The following PTH1R variants were observed in gnomAD, a reference collection of about 807,000 sequenced individuals.
PTH1R encodes parathyroid hormone 1 receptor.
Under a neutral mutation model 70.7 loss-of-function variants are expected in PTH1R, and 32 were observed. The ratio of observed to expected loss-of-function variants is 0.45; its 90% confidence interval spans 0.34 to 0.61. PTH1R has a LOEUF of 0.61. Ranked by LOEUF, PTH1R falls within the 20% of genes least tolerant of loss-of-function variation. The pLI, the probability that PTH1R is intolerant of heterozygous loss-of-function variation, is 0.01. For missense variants in PTH1R, 626 were observed against 792.5 expected, an observed-to-expected ratio of 0.79 and a Z score of 2.52; for synonymous variants, 329 against 324.8, an observed-to-expected ratio of 1.01 and a Z score of -0.14.
At position 46,902,717 on chromosome 3, in the gene PTH1R, G is replaced by C; in HGVS notation, c.1354-32G>C. On this transcript the variant is annotated intron_variant, in intron 14 of 15. Coordinates refer to ENST00000449590, the MANE Select transcript of PTH1R (RefSeq NM_000316.3). The surrounding 1 kb of genome is among the most constrained non-coding windows in gnomAD (Gnocchi z 5.4). ...GCTGAGGGTGGGAGGGGTTCCGGGGGCAGGCCTGATTCGAGACACCCCTCT... is the reference window on the plus strand; with the variant it reads ...GCTGAGGGTGGGAGGGGTTCCGGGGCCAGGCCTGATTCGAGACACCCCTCT... 5.0e-6 allele frequency: 8 copies of C among 1,614,040 alleles called. No individual in the cohort carries two copies. Among genetic ancestry groups the C allele is most frequent in the Non-Finnish European group, 6.8e-6 (8 of 1,180,004 alleles).
chr3:46,903,525 A>ACAC lies in PTH1R; in HGVS notation c.1656_1658dup (p.Pro553dup). On this transcript the variant is annotated inframe_insertion, in exon 16 of 16. Transcript: ENST00000449590. The surrounding 1 kb of genome is among the most constrained non-coding windows in gnomAD (Gnocchi z 4.4). Reference sequence around the variant, plus strand: ...CCCAGCCCTGGAGACCCTCGAGACCACACCACCTGCCATGGCTGCTCCCAA... The same window carrying ACAC: ...CCCAGCCCTGGAGACCCTCGAGACCACACCACCACCTGCCATGGCTGCTCCCAA... 1 of 1,613,908 alleles carries ACAC rather than the reference A, an allele frequency of 6.2e-7. No homozygotes were observed. The highest frequency in any genetic ancestry group is 8.5e-7 in the Non-Finnish European group (1 of 1,180,008).
Position 46,901,554 on chromosome 3 carries a change from C to T in PTH1R, c.1116+74C>T, listed in dbSNP as rs2107057824. ...TGCGTCCCCTGGAACCAGCCCCTGACAGGGACCTAGGAGGCTTCCCTGGAC... is the reference window on the plus strand; with the variant it reads ...TGCGTCCCCTGGAACCAGCCCCTGATAGGGACCTAGGAGGCTTCCCTGGAC... On this transcript the variant is annotated intron_variant, in intron 12 of 15. Coordinates refer to ENST00000449590, the MANE Select transcript of PTH1R (RefSeq NM_000316.3). This position sits in a 1 kb window ranked among gnomAD's most constrained non-coding sequence, Gnocchi z 7.3. 10 of 1,522,458 alleles carry T rather than the reference C, an allele frequency of 6.6e-6. No individual in the cohort carries two copies. The highest frequency in any genetic ancestry group is 8.9e-6 in the Non-Finnish European group (10 of 1,122,152). The allele number at this position is 1,522,458 out of a possible 1,614,324, so 94.3% of individuals were successfully genotyped here.
At chr3:46,900,305 G>A (rs1451537831) in intron 10 of PTH1R, among the ~76,000 whole-genome samples, 5 of 152,178 alleles carry the variant, frequency 3.3e-5, no homozygotes, top group East Asian at 3.9e-4. Flanking sequence ...GTGGACTGGC[G>A]ACATGCAGAT....
chr3:46,903,436 G>T lies in PTH1R; in HGVS notation c.1562G>T (p.Arg521Leu). The T allele has an allele frequency of 6.2e-7, 1 of 1,613,186 alleles. No homozygotes were observed. Among genetic ancestry groups the T allele is most frequent in the Middle Eastern group, 1.7e-4 (1 of 6,060 alleles). Residue 521 changes from arginine (R) to leucine (L), a missense_variant, in exon 16 of 16, where the codon CGC becomes CTC. By Grantham distance (102) the Arg-to-Leu change is moderately radical. Coordinates refer to ENST00000449590, the MANE Select transcript of PTH1R (RefSeq NM_000316.3). The surrounding 1 kb of genome is among the most constrained non-coding windows in gnomAD (Gnocchi z 4.4). ...GGACTCGGCCTGCCCCTCAGCCCCC[G>T]CCTACTGCCCACTGCCACCACCAAC... The part of the protein sequence containing the change: ...RVGLGLPLSP[R>L]LLPTATTNGH...
intron 3 of PTH1R, among the ~76,000 whole-genome samples, chr3:46,888,593 A>G (rs2031186549): frequency 1.3e-5 from 2 of 152,324 alleles, no homozygotes; most frequent in African/African-American, 4.8e-5. Flanking sequence ...GATTGGGAGA[A>G]GGGCGCAAAC....
At chr3:46,887,771 G>A (rs1016929944) in intron 3 of PTH1R, among the ~76,000 whole-genome samples, 4 of 152,144 alleles carry the variant, frequency 2.6e-5, no homozygotes, top group Non-Finnish European at 5.9e-5. Flanking sequence ...CAGTAAATAT[G>A]AATCTATATT....
Position 46,901,266 on chromosome 3 carries a change from G to A in PTH1R, c.1050-148G>A, listed in dbSNP as rs2032097493. 4 of 1,251,094 alleles carry A rather than the reference G, an allele frequency of 3.2e-6. No homozygotes were observed. Among genetic ancestry groups the A allele is most frequent in the Non-Finnish European group, 4.5e-6 (4 of 881,148 alleles). 77.5% of individuals were successfully genotyped at this position (1,251,094 alleles called of 1,614,324 possible). A position where few individuals can be genotyped will look rare whatever the true frequency, so the allele number is the denominator to read the frequency against. On this transcript the variant is annotated intron_variant, in intron 11 of 15. Transcript: ENST00000449590. The surrounding 1 kb of genome is among the most constrained non-coding windows in gnomAD (Gnocchi z 7.3). ...CAGGAGGCTACTTCCAAAGAGGCCTGTGAGGGAGGCCTCAGGCCTGGCCAC... is the reference window on the plus strand; with the variant it reads ...CAGGAGGCTACTTCCAAAGAGGCCTATGAGGGAGGCCTCAGGCCTGGCCAC...
intron 3 of PTH1R, among the ~76,000 whole-genome samples, chr3:46,885,907 C>G (rs952993516): frequency 6.6e-6 from 1 of 152,196 alleles, no homozygotes; most frequent in Non-Finnish European, 1.5e-5. Context: ...GGTCACCAAA[C>G]CTGTATGCTA....
At chr3:46,881,844 G>A (rs970303454) in intron 2 of PTH1R, among the ~76,000 whole-genome samples, 4 of 152,284 alleles carry the variant, frequency 2.6e-5, no homozygotes, top group African/African-American at 7.2e-5. Flanking sequence ...CGTCGCGGCC[G>A]GGGGCGCGCG....
At position 46,891,605 on chromosome 3, in the gene PTH1R, G is replaced by A. The variant is rs1244955502; in HGVS notation, c.76-2302G>A. 6.6e-6 allele frequency among the ~76,000 whole-genome samples: 1 copy of A among 152,192 alleles called. No individual in the cohort carries two copies. Among genetic ancestry groups the A allele is most frequent in the African/African-American group, 2.4e-5 (1 of 41,436 alleles). On this transcript the variant is annotated intron_variant, in intron 3 of 15. Transcript: ENST00000449590. This position sits in a 1 kb window ranked among gnomAD's most constrained non-coding sequence, Gnocchi z 4.3. ...GCAGAAGAAGAAGGATAGTGGGGAG[G>A]GGGTAAGACAACAAGATGGCAAAGG... is the stretch of plus-strand genomic sequence containing the variant.
At chr3:46,895,401 C>A (rs2031691818) in intron 4 of PTH1R, among the ~76,000 whole-genome samples, 1 of 152,224 alleles carries the variant, frequency 6.6e-6, no homozygotes. Context: ...GCTGCGTGGC[C>A]TTGGCCCCCA....
intron 3 of PTH1R, among the ~76,000 whole-genome samples, chr3:46,889,050 G>T (rs533684564): frequency 6.6e-6 from 1 of 152,352 alleles, no homozygotes; most frequent in East Asian, 1.9e-4. Context: ...CAGGGGTGGG[G>T]GAGCAGTCCC....
rs528000154 is a variant in PTH1R, at chr3:46,880,602, T to C, written c.-105-460T>C. Among the ~76,000 whole-genome samples, 44 of 152,254 alleles carry C rather than the reference T, an allele frequency of 2.9e-4. No individual in the cohort carries two copies. In the East Asian group the frequency reaches 3.9e-3, roughly 13 times the overall value. ...CAAGAAATGCAAAAATTAGCCAGGT[T>C]GGTGGTACACACCTGTAGTCCCAGC... On this transcript the variant is annotated intron_variant, in intron 1 of 15. Transcript: ENST00000449590.
chr3:46,895,763 G>C lies in PTH1R; in HGVS notation c.207G>C (p.Trp69Cys), dbSNP rs557755099. The change falls in exon 5 of 16, where the codon TGG (tryptophan) becomes TGC (cysteine). Residue 69 changes from tryptophan (W) to cysteine (C), a missense_variant. Around this residue, in one of 3 missense-constraint regions of PTH1R, gnomAD observed 123 missense variants for 125.7 expected, o/e 0.98. Coordinates refer to ENST00000449590, the MANE Select transcript of PTH1R (RefSeq NM_000316.3). ...PASIMESDKGWTSASTSGKPR... is the reference protein window; with the variant it reads ...PASIMESDKGCTSASTSGKPR... Reference sequence around the variant, plus strand: ...GCATAATGGAATCAGACAAGGGATGGACATCTGCGTCCACATCAGGGAAGC... The same window carrying C: ...GCATAATGGAATCAGACAAGGGATGCACATCTGCGTCCACATCAGGGAAGC... The C allele has an allele frequency of 6.2e-7, 1 of 1,614,142 alleles. No individual in the cohort carries two copies. The highest frequency in any genetic ancestry group is 1.7e-5 in the Admixed American group (1 of 60,022).
chr3:46,881,511 T>C (rs2030563336), intron 2 of PTH1R, among the ~76,000 whole-genome samples: 1 of 152,066 alleles, frequency 6.6e-6, no homozygotes, highest in Non-Finnish European at 1.5e-5. Flanking sequence ...TCTGGCAGCC[T>C]CGAGCCTCCG....
At position 46,897,839 on chromosome 3, in the gene PTH1R, C is replaced by G. The variant is rs780944728; in HGVS notation, c.314-16C>G. Reference sequence around the variant, plus strand: ...TCTCCCTTGGTATCCCCTACCCTGTCTGTCTCTGGGCACAGGGCGCCCCTG... The same window carrying G: ...TCTCCCTTGGTATCCCCTACCCTGTGTGTCTCTGGGCACAGGGCGCCCCTG... On this transcript the variant is annotated splice_polypyrimidine_tract_variant and intron_variant, in intron 5 of 15. Transcript: ENST00000449590. 1 of 1,610,570 alleles carries G rather than the reference C, an allele frequency of 6.2e-7. No homozygotes were observed. Among genetic ancestry groups the G allele is most frequent in the South Asian group, 1.1e-5 (1 of 90,950 alleles).
Position 46,893,869 on chromosome 3 carries a change from G to A in PTH1R, c.76-38G>A, listed in dbSNP as rs200121252. 5.2e-5 allele frequency: 84 copies of A among 1,601,298 alleles called. No individual in the cohort carries two copies. Among genetic ancestry groups the A allele is most frequent in the South Asian group, 1.9e-4 (17 of 89,998 alleles). The stretch of plus-strand genomic sequence containing the variant: ...TGTCTCTGGGACCTGCTGCTGCGCC[G>A]GAAAGTCCTGCCTGTGGTCTGACCT... On this transcript the variant is annotated intron_variant, in intron 3 of 15. Transcript: ENST00000449590. This position sits in a 1 kb window ranked among gnomAD's most constrained non-coding sequence, Gnocchi z 5.2.
In PTH1R at chr3:46,883,234, T is replaced by A. The variant is rs1250582874; in HGVS notation, c.-48-278T>A. Reference sequence around the variant, plus strand: ...GCCGGGGGCGGGGGGCCCGGCCATATGGATGTGATTTCTTCGCTCCGAGGC... The same window carrying A: ...GCCGGGGGCGGGGGGCCCGGCCATAAGGATGTGATTTCTTCGCTCCGAGGC... On this transcript the variant is annotated intron_variant, in intron 2 of 15. Transcript: ENST00000449590. The surrounding 1 kb of genome is among the most constrained non-coding windows in gnomAD (Gnocchi z 6.4). 1 of 212,544 alleles carries A rather than the reference T, an allele frequency of 4.7e-6. No individual in the cohort carries two copies. The highest frequency in any genetic ancestry group is 9.2e-6 in the Non-Finnish European group (1 of 108,602). The allele number at this position is 212,544 out of a possible 1,614,324, so 13.2% of individuals were successfully genotyped here. A position where few individuals can be genotyped will look rare whatever the true frequency, so the allele number is the denominator to read the frequency against.
At chr3:46,890,292 T>C (rs1441435083) in intron 3 of PTH1R, among the ~76,000 whole-genome samples, 1 of 152,078 alleles carries the variant, frequency 6.6e-6, no homozygotes, top group Admixed American at 6.6e-5. Context: ...CTCAGCCATC[T>C]ACCCAGATAA....
Sources: gnomAD v4.1 joint callset for allele counts (sites outside exome capture counted in the v4.1 genomes callset) on GRCh38, gnomAD v4.1.1 for gene constraint, gnomAD v4.1.1 regional missense constraint, Gnocchi (gnomAD v3.1) non-coding constraint, MANE v1.5 for transcripts, NCBI Gene and HGNC (gene_info 2026-07-23, HGNC 2026-07-21) for gene names.